GALNT1: variants seen among roughly 807,000 people sequenced by gnomAD.
The protein encoded by GALNT1 is GalNAc transferase 1.
A neutral mutation model predicts 65.7 loss-of-function variants in GALNT1; 17 were observed. The ratio of observed to expected loss-of-function variants is 0.26; its 90% CI spans 0.18 to 0.39. GALNT1 has a LOEUF of 0.39. Among genes scored for constraint, GALNT1 ranks in the 10% least tolerant of loss-of-function variants. The probability of loss-of-function intolerance (pLI) is 1.00; values close to 1 mark genes in which losing one functional copy is unlikely to be tolerated. For synonymous variants in GALNT1, 210 were observed against 219.7 expected (o/e 0.96, Z 0.39); for missense variants, 460 against 672.8 (o/e 0.68, Z 3.50).
At chr18:35,585,609 T>A (rs1407026253) in intron 1 of GALNT1, among the ~76,000 whole-genome samples, 1 of 152,234 alleles carries the variant, frequency 6.6e-6, no homozygotes, top group African/African-American at 2.4e-5. Flanking sequence ...CTTATGTTTT[T>A]TTGTAGCCAC....
At chr18:35,645,233 T>G (rs1402994528) in intron 1 of GALNT1, among the ~76,000 whole-genome samples, 5 of 133,620 alleles carry the variant, frequency 3.7e-5, no homozygotes, top group East Asian at 2.1e-4. Flanking sequence ...TTTTTTTTTT[T>G]TTTTTTTTTT....
chr18:35,707,879 C>T (rs2048290351), intron 11 of GALNT1, among the ~76,000 whole-genome samples: 2 of 152,292 alleles, frequency 1.3e-5, no homozygotes, highest in East Asian at 3.9e-4. Context: ...CACGCTGAGC[C>T]GCAGCGCTCT....
intron 1 of GALNT1, among the ~76,000 whole-genome samples, chr18:35,593,567 G>A (rs978384934): frequency 4.6e-5 from 7 of 152,076 alleles, no homozygotes; most frequent in African/African-American, 1.4e-4. Flanking sequence ...CGGGGGACAA[G>A]GAAGGTCAAC....
chr18:35,678,246 G>A (rs1389318428), intron 4 of GALNT1, among the ~76,000 whole-genome samples: 1 of 152,094 alleles, frequency 6.6e-6, no homozygotes, highest in Non-Finnish European at 1.5e-5. Flanking sequence ...CCATTTCTAA[G>A]TTTCAGGAAT....
At position 35,627,753 on chromosome 18, in the gene GALNT1, G is replaced by A. The variant is rs917476199; in HGVS notation, c.-103-26807G>A. On this transcript the variant is annotated intron_variant, in intron 1 of 11. Transcript: ENST00000269195. ...CAGGACAGTGGGTGTAGCACACCGA[G>A]CTGAAGCAGGGCGAGGCATCACCTC... 2.6e-5 allele frequency among the ~76,000 whole-genome samples: 4 copies of A among 152,024 alleles called. No homozygotes were observed. The East Asian group carries it at 5.8e-4, about 22-fold the overall frequency.
Position 35,709,720 on chromosome 18 carries a change from C to T in GALNT1, c.1630C>T (p.Arg544Trp), listed in dbSNP as rs780735905. The T allele has an allele frequency of 4.3e-6, 7 of 1,613,952 alleles. No homozygotes were observed. The highest frequency in any genetic ancestry group is 5.1e-6 in the Non-Finnish European group (6 of 1,179,944). ...CAGCATTAGAGACTGCAATGGAAGT[C>T]GGTCCCAGCAGTGGCTTCTTCGAAA... is the stretch of plus-strand genomic sequence containing the variant. Reference protein sequence around the residue: ...VPSIRDCNGSRSQQWLLRNVT... With the variant: ...VPSIRDCNGSWSQQWLLRNVT... Residue 544 changes from arginine to tryptophan, a missense_variant, in exon 12 of 12, where the codon CGG becomes TGG. Arg to Trp is a moderately radical substitution (Grantham distance 101, BLOSUM62 -3). Coordinates refer to ENST00000269195, the MANE Select transcript of GALNT1 (RefSeq NM_020474.4).
At chr18:35,586,370 G>A (rs1431090157) in intron 1 of GALNT1, among the ~76,000 whole-genome samples, 1 of 152,114 alleles carries the variant, frequency 6.6e-6, no homozygotes, top group East Asian at 1.9e-4. Flanking sequence ...TATGTTGTTT[G>A]TCTGTAGCTT....
chr18:35,685,417 T>C (rs2144620018), intron 5 of GALNT1, among the ~76,000 whole-genome samples: 1 of 152,126 alleles, frequency 6.6e-6, no homozygotes. Context: ...TAACATGAAT[T>C]TATTGTTAGA....
At chr18:35,670,221 G>A (rs1305873126) in intron 3 of GALNT1, among the ~76,000 whole-genome samples, 5 of 152,012 alleles carry the variant, frequency 3.3e-5, no homozygotes, top group African/African-American at 1.2e-4. Flanking sequence ...GAGCTCAGGA[G>A]TTCGAGATTG....
intron 9 of GALNT1, among the ~76,000 whole-genome samples, chr18:35,700,706 C>A (rs923313539): frequency 6.6e-6 from 1 of 152,188 alleles, no homozygotes; most frequent in African/African-American, 2.4e-5. Context: ...AGGTCCCAAA[C>A]TCTTGAGCTC....
At chr18:35,665,030 C>G (rs1052792263) in intron 3 of GALNT1, among the ~76,000 whole-genome samples, 1 of 152,232 alleles carries the variant, frequency 6.6e-6, no homozygotes, top group African/African-American at 2.4e-5. Context: ...CCTGATCACC[C>G]TTATGGAAAC....
chr18:35,695,348 G>A (rs994621996), intron 9 of GALNT1, among the ~76,000 whole-genome samples: 2 of 152,120 alleles, frequency 1.3e-5, no homozygotes, highest in South Asian at 2.1e-4. Context: ...CAGGGCAGCT[G>A]TAGGTTTGGA....
chr18:35,584,505 GA>G (rs1378747140), intron 1 of GALNT1, among the ~76,000 whole-genome samples: 25 of 152,274 alleles, frequency 1.6e-4, no homozygotes, highest in Non-Finnish European at 3.1e-4. Context: ...GATAATGGAG[GA>G]AGAGGAGTGC....
chr18:35,610,594 T>TA (rs1001543603), intron 1 of GALNT1, among the ~76,000 whole-genome samples: 2 of 152,210 alleles, frequency 1.3e-5, no homozygotes, highest in African/African-American at 4.8e-5. Context: ...TTCTGTGAGT[T>TA]AATTGTTCTT....
At position 35,593,454 on chromosome 18, in the gene GALNT1, G is replaced by A. The variant is rs939506367; in HGVS notation, c.-104+11592G>A. Reference sequence around the variant, plus strand: ...TGTAGCTTGCATTCGGGGTAGTTGAGGCAAGTGGTTTTTAGGATAGGAAGG... The same window carrying A: ...TGTAGCTTGCATTCGGGGTAGTTGAAGCAAGTGGTTTTTAGGATAGGAAGG... On this transcript the variant is annotated intron_variant, in intron 1 of 11. Transcript: ENST00000269195. 6.6e-5 allele frequency among the ~76,000 whole-genome samples: 10 copies of A among 152,098 alleles called. No individual in the cohort carries two copies. The South Asian group carries it at 2.1e-3, about 32-fold the overall frequency.
In GALNT1 at chr18:35,710,614, T is replaced by C. The variant is rs2144796388; in HGVS notation, c.*844T>C. 6.6e-6 allele frequency: 1 copy of C among 152,666 alleles called. No homozygotes were observed. The highest frequency in any genetic ancestry group is 2.4e-5 in the African/African-American group (1 of 41,576). 9.5% of individuals were successfully genotyped at this position (152,666 alleles called of 1,614,324 possible). A position where few individuals can be genotyped will look rare whatever the true frequency, so the allele number is the denominator to read the frequency against. ...AATGTCTGATCTCAGCTGAACAAAT[T>C]AGATGTTTCAGTTGCTCTTGGGTCA... On this transcript the variant is annotated 3_prime_UTR_variant, in exon 12 of 12. Transcript: ENST00000269195.
At chr18:35,605,200 T>C (rs1258780421) in intron 1 of GALNT1, among the ~76,000 whole-genome samples, 1 of 152,178 alleles carries the variant, frequency 6.6e-6, no homozygotes, top group Admixed American at 6.5e-5. Context: ...CAAAGTCTTT[T>C]AACAGTGTTT....
chr18:35,630,800 C>G (rs1482878508), intron 1 of GALNT1, among the ~76,000 whole-genome samples: 2 of 152,194 alleles, frequency 1.3e-5, no homozygotes, highest in East Asian at 3.9e-4. Flanking sequence ...AATTGATAGA[C>G]CGCTAGCAAG....
At chr18:35,636,937 C>A (rs2047098817) in intron 1 of GALNT1, among the ~76,000 whole-genome samples, 1 of 151,816 alleles carries the variant, frequency 6.6e-6, no homozygotes, top group Non-Finnish European at 1.5e-5. Context: ...CAGAGGTTTT[C>A]ATTATTATAT....
Sources: allele counts gnomAD v4.1 joint callset (sites outside exome capture counted in the v4.1 genomes callset), GRCh38; gene constraint gnomAD v4.1.1; transcripts MANE v1.5; gene names NCBI Gene and HGNC (gene_info 2026-07-23, HGNC 2026-07-21).